BCAR3: variants seen among roughly 807,000 people sequenced by gnomAD.
The protein encoded by BCAR3 is BCAR3 adaptor protein, NSP family member.
In BCAR3, 37 loss-of-function variants were observed where a neutral mutation model predicts 80.1. The ratio of observed to expected loss-of-function variants is 0.46; its 90% CI spans 0.36 to 0.61. The LOEUF (loss-of-function observed/expected upper bound fraction) is 0.61. Ranked by LOEUF, BCAR3 falls within the 20% of genes least tolerant of loss-of-function variation. The pLI is 0.00. For missense variants in BCAR3, 978 were observed against 1,068.2 expected, an observed-to-expected ratio of 0.92 and a Z score of 1.18; for synonymous variants, 389 against 418.9, an observed-to-expected ratio of 0.93 and a Z score of 0.87.
chr1:93,734,314 T>C (rs866678989), intron 2 of BCAR3, among the ~76,000 whole-genome samples: 25 of 152,222 alleles, frequency 1.6e-4, no homozygotes, highest in African/African-American at 5.3e-4. Context: ...TCAGGATGCA[T>C]TGGATTCCCT....
At chr1:93,584,251 A>G (rs113847061) in intron 5 of BCAR3, 130 bp from the exon 6 acceptor site, 9 of 734,540 alleles carry the variant, frequency 1.2e-5, no homozygotes, top group Admixed American at 2.9e-5. Flanking sequence ...GCTACAGCAT[A>G]CCCTAAAAGT....
intron 11 of BCAR3, among the ~76,000 whole-genome samples, chr1:93,564,829 C>T (rs1366868864): frequency 6.6e-6 from 1 of 152,090 alleles, no homozygotes; most frequent in African/African-American, 2.4e-5. Flanking sequence ...TATGTGTGGG[C>T]CTATTTCTTA....
At chr1:93,635,087 T>C (rs1365081208) in intron 3 of BCAR3, among the ~76,000 whole-genome samples, 1 of 151,936 alleles carries the variant, frequency 6.6e-6, no homozygotes, top group Admixed American at 6.6e-5. Context: ...TAGCTGGGTG[T>C]GGTAGTGAGT....
chr1:93,639,174 A>C (rs1353218303), intron 3 of BCAR3, among the ~76,000 whole-genome samples: 1 of 152,144 alleles, frequency 6.6e-6, no homozygotes, highest in East Asian at 1.9e-4. Context: ...GTAGCTAAGC[A>C]ACCGAGAAAC....
At chr1:93,696,490 C>G (rs1007821716) in intron 3 of BCAR3, among the ~76,000 whole-genome samples, 1 of 151,750 alleles carries the variant, frequency 6.6e-6, no homozygotes, top group South Asian at 2.1e-4. Flanking sequence ...TCTCCTTCCC[C>G]CACCACCACT....
chr1:93,692,107 T>C (rs2101964412), intron 3 of BCAR3, among the ~76,000 whole-genome samples: 1 of 152,292 alleles, frequency 6.6e-6, no homozygotes, highest in African/African-American at 2.4e-5. Context: ...TTTAAATAAG[T>C]GATTTATAAC....
intron 8 of BCAR3, among the ~76,000 whole-genome samples, chr1:93,573,345 A>G (rs984411488): frequency 1.3e-5 from 2 of 152,078 alleles, no homozygotes; most frequent in Non-Finnish European, 2.9e-5. Flanking sequence ...TGTAGTGAGC[A>G]GATTGCGCCA....
At chr1:93,584,672 C>A (rs112651036) in intron 5 of BCAR3, among the ~76,000 whole-genome samples, 1 of 152,338 alleles carries the variant, frequency 6.6e-6, no homozygotes, top group Non-Finnish European at 1.5e-5. Flanking sequence ...CTCGGGGGAC[C>A]CCCACACAGC....
rs1672777397 is a variant in BCAR3 at position 93,563,249 on chromosome 1, T to C, written c.2300-830A>G. ...GACCTCAGTCAACCACTGATCTGCT[T>C]TCTGTTGCTACTGTTTTGCCTTTTC... On this transcript the variant is annotated intron_variant, in intron 11 of 11. Transcript: ENST00000260502. 2.0e-5 allele frequency among the ~76,000 whole-genome samples: 3 copies of C among 152,346 alleles called. No homozygotes were observed. In the South Asian group the frequency reaches 6.2e-4, roughly 32 times the overall value.
intron 2 of BCAR3, among the ~76,000 whole-genome samples, chr1:93,715,606 C>G (rs898870606): frequency 6.6e-6 from 1 of 152,202 alleles, no homozygotes; most frequent in African/African-American, 2.4e-5. Flanking sequence ...TTGAGTACCC[C>G]AGAGAGCTGA....
chr1:93,788,637 C>T (rs1459337768), intron 2 of BCAR3, among the ~76,000 whole-genome samples: 2 of 152,180 alleles, frequency 1.3e-5, no homozygotes, highest in Non-Finnish European at 2.9e-5. Context: ...AAAGATTGGA[C>T]CCCGATCCCA....
At chr1:93,564,120 C>A (rs988967369) in intron 11 of BCAR3, among the ~76,000 whole-genome samples, 4 of 151,794 alleles carry the variant, frequency 2.6e-5, no homozygotes, top group Non-Finnish European at 5.9e-5. Flanking sequence ...ATTTGTATGC[C>A]TTCTCTGATG....
chr1:93,807,598 G>C (rs758622333), intron 2 of BCAR3, among the ~76,000 whole-genome samples: 12 of 152,112 alleles, frequency 7.9e-5, no homozygotes, highest in Admixed American at 2.6e-4. Flanking sequence ...TGCTACTCTC[G>C]GAAGAATAGA....
rs146202468 is a variant in BCAR3, at chr1:93,632,714, A to G, written c.357+9590T>C. Among the ~76,000 whole-genome samples the G allele has an allele frequency of 2.0e-5, 3 of 152,260 alleles. No homozygotes were observed. In the East Asian group the frequency reaches 5.8e-4, roughly 29 times the overall value. ...AATAAAACTATGGATGCACATAAAA[A>G]CTGGAACTTTATGTAATTTTGCCAC... On this transcript the variant is annotated intron_variant, in intron 3 of 11. Coordinates refer to ENST00000260502, the MANE Select transcript of BCAR3 (RefSeq NM_003567.4).
At chr1:93,620,977 C>A (rs919037140) in intron 3 of BCAR3, among the ~76,000 whole-genome samples, 1 of 152,228 alleles carries the variant, frequency 6.6e-6, no homozygotes, top group Admixed American at 6.5e-5. Context: ...ACATCCCTAT[C>A]TCCACCTAGA....
intron 3 of BCAR3, among the ~76,000 whole-genome samples, chr1:93,615,651 C>G (rs757872685): frequency 2.0e-5 from 3 of 152,106 alleles, no homozygotes; most frequent in Non-Finnish European, 4.4e-5. Flanking sequence ...CCACTGTCCT[C>G]GAAGGTCCAG....
intron 3 of BCAR3, among the ~76,000 whole-genome samples, chr1:93,616,401 A>C (rs1381998743): frequency 1.3e-5 from 2 of 152,210 alleles, no homozygotes; most frequent in African/African-American, 4.8e-5. Flanking sequence ...ACATTCTCAA[A>C]GTGCCCTTCA....
intron 3 of BCAR3, among the ~76,000 whole-genome samples, chr1:93,697,263 T>C (rs1351100186): frequency 5.3e-5 from 8 of 152,240 alleles, no homozygotes; most frequent in Non-Finnish European, 8.8e-5. Flanking sequence ...GTTTTCAGAC[T>C]ACCCTAAACC....
At chr1:93,638,781 C>T (rs74101655) in intron 3 of BCAR3, among the ~76,000 whole-genome samples, 4,302 of 152,116 alleles carry the variant, frequency 0.028, 65 homozygotes, top group Middle Eastern at 0.054. Flanking sequence ...TACGTTTGAC[C>T]ACAGAAAAGG....
Sources: gnomAD v4.1 joint callset for allele counts (sites outside exome capture counted in the v4.1 genomes callset) on GRCh38, gnomAD v4.1.1 for gene constraint, MANE v1.5 for transcripts, NCBI Gene and HGNC (gene_info 2026-07-23, HGNC 2026-07-21) for gene names.